Variants in MTMR7 observed in about 807,000 individuals in gnomAD.
MTMR7 encodes the protein phosphatidylinositol-3-phosphate phosphatase MTMR7.
A neutral mutation model predicts 81.2 loss-of-function variants in MTMR7; 76 were observed. The observed-to-expected ratio is 0.94, with a 90% CI of 0.78 to 1.13. MTMR7 has a LOEUF of 1.13. MTMR7 is among the 50% of genes most tolerant of loss of function. The pLI is 0.00. For missense variants in MTMR7, 1,044 were observed against 820.0 expected (o/e 1.27, Z -3.34); for synonymous variants, 372 against 289.8 (o/e 1.28, Z -2.88).
intron 1 of MTMR7, among the ~76,000 whole-genome samples, chr8:17,392,834 T>G (rs1821146611): frequency 6.6e-6 from 1 of 152,256 alleles, no homozygotes; most frequent in South Asian, 2.1e-4. Context: ...TAGAAAATTC[T>G]TTTTATTCTC....
At chr8:17,404,308 C>T (rs116684167) in intron 1 of MTMR7, among the ~76,000 whole-genome samples, 1 of 152,084 alleles carries the variant, frequency 6.6e-6, no homozygotes, top group Non-Finnish European at 1.5e-5. Flanking sequence ...GGCTCCAGCA[C>T]TGGAACGGTG....
chr8:17,351,578 G>T (rs1290235941), intron 4 of MTMR7, among the ~76,000 whole-genome samples: 1 of 152,216 alleles, frequency 6.6e-6, no homozygotes, highest in Non-Finnish European at 1.5e-5. Flanking sequence ...AGGACAAAGA[G>T]CTCAACAACC....
In MTMR7 at chr8:17,339,700, A is replaced by G. The variant is rs73666117; in HGVS notation, c.732+1663T>C. On this transcript the variant is annotated intron_variant, in intron 6 of 13. Coordinates refer to ENST00000180173, the MANE Select transcript of MTMR7 (RefSeq NM_004686.5). ...CATTTTAGGCTATTACTAATAATGA[A>G]CAAATATTCACATACAAGTTTTTAT... 0.025 allele frequency among the ~76,000 whole-genome samples: 3,834 copies of G among 152,336 alleles called. 406 individuals are homozygous for G. The East Asian group carries it at 0.31, about 12-fold the overall frequency.
chr8:17,381,277 C>T (rs1044876698), intron 1 of MTMR7, among the ~76,000 whole-genome samples: 1 of 152,146 alleles, frequency 6.6e-6, no homozygotes, highest in African/African-American at 2.4e-5. Context: ...CTGGGCCCCA[C>T]CACCGCACTT....
At chr8:17,372,485 G>C (rs1294193160) in intron 2 of MTMR7, among the ~76,000 whole-genome samples, 1 of 152,132 alleles carries the variant, frequency 6.6e-6, no homozygotes, top group African/African-American at 2.4e-5. Flanking sequence ...CTACTCAGGA[G>C]GCTGAGGCAG....
chr8:17,310,164 A>AT (rs754353053), intron 9 of MTMR7, among the ~76,000 whole-genome samples: 170 of 151,050 alleles, frequency 1.1e-3, no homozygotes, highest in Middle Eastern at 3.4e-3. Flanking sequence ...CACCTGGCTA[A>AT]TTTTTTTTTA....
At chr8:17,357,791 T>C (rs1036078311) in intron 4 of MTMR7, among the ~76,000 whole-genome samples, 7 of 152,220 alleles carry the variant, frequency 4.6e-5, no homozygotes, top group African/African-American at 1.2e-4. Flanking sequence ...GGAAATTAAC[T>C]AGCACTGGTG....
chr8:17,304,318 T>C, intron 12 of MTMR7, 61 bp downstream of exon 12: 1 of 1,573,478 alleles, frequency 6.4e-7, no homozygotes, highest in Non-Finnish European at 8.7e-7. Flanking sequence ...CCTCTGAATG[T>C]TAAACGGTAC....
chr8:17,302,222 T>C lies in MTMR7; in HGVS notation c.1552A>G (p.Thr518Ala). 1 of 1,614,120 alleles carries C rather than the reference T, an allele frequency of 6.2e-7. No homozygotes were observed. Among genetic ancestry groups the C allele is most frequent in the East Asian group, 2.2e-5 (1 of 44,880 alleles). ...EKGMQPRQSV[T>A]DYLMAVKEET... is the part of the protein sequence containing the mutation. ...TCCTTCACTGCCATTAGGTAATCTGTAACTGACTGTCGGGGCTGCATCCCC... is the reference window on the plus strand; with the variant it reads ...TCCTTCACTGCCATTAGGTAATCTGCAACTGACTGTCGGGGCTGCATCCCC... The change falls in exon 13 of 14, where the codon ACA becomes GCA. Residue 518 changes from threonine to alanine, a missense_variant. Physicochemically the swap from Thr to Ala is moderately conservative, Grantham distance 58 (BLOSUM62 0). Transcript: ENST00000180173.
chr8:17,371,960 T>C (rs1033594161), intron 2 of MTMR7, among the ~76,000 whole-genome samples: 5 of 151,822 alleles, frequency 3.3e-5, no homozygotes, highest in Non-Finnish European at 5.9e-5. Flanking sequence ...GTGCAATAGA[T>C]TTCCAGACTT....
chr8:17,395,394 C>CTGTTTG lies in MTMR7; in HGVS notation c.24+17869_24+17874dup, dbSNP rs1180480080. On this transcript the variant is annotated intron_variant, in intron 1 of 13. Coordinates refer to ENST00000180173, the MANE Select transcript of MTMR7 (RefSeq NM_004686.5). ...GCTATGAACATGGGCATACCAGTATCTGTTTGTGTCCCTGTTTTTAATTCT... is the reference window on the plus strand; with the variant it reads ...GCTATGAACATGGGCATACCAGTATCTGTTTGTGTTTGTGTCCCTGTTTTTAATTCT... Among the ~76,000 whole-genome samples the CTGTTTG allele has an allele frequency of 7.2e-5, 11 of 152,154 alleles. No homozygotes were observed. The East Asian group carries it at 2.1e-3, about 29-fold the overall frequency.
intron 1 of MTMR7, among the ~76,000 whole-genome samples, chr8:17,406,263 T>G (rs1448445977): frequency 6.6e-6 from 1 of 152,168 alleles, no homozygotes; most frequent in Non-Finnish European, 1.5e-5. Flanking sequence ...GACTAAGGAT[T>G]TGTATCCAGA....
At chr8:17,304,049 TG>T (rs1272493705) in intron 12 of MTMR7, among the ~76,000 whole-genome samples, 2 of 152,222 alleles carry the variant, frequency 1.3e-5, no homozygotes, top group African/African-American at 4.8e-5. Context: ...TGATCACTGT[TG>T]AAACTTGTGA....
At chr8:17,367,398 C>A (rs1820260848) in intron 3 of MTMR7, among the ~76,000 whole-genome samples, 2 of 152,136 alleles carry the variant, frequency 1.3e-5, no homozygotes, top group South Asian at 4.1e-4. Context: ...AAGCTGAAGG[C>A]CTCTGAGAAA....
intron 7 of MTMR7, among the ~76,000 whole-genome samples, chr8:17,328,843 C>T (rs1224042740): frequency 6.6e-6 from 1 of 152,160 alleles, no homozygotes; most frequent in Non-Finnish European, 1.5e-5. Context: ...TGCTATGTGA[C>T]TGAAAGGCAT....
At chr8:17,350,489 T>C (rs1469105424) in intron 4 of MTMR7, among the ~76,000 whole-genome samples, 13 of 152,096 alleles carry the variant, frequency 8.5e-5, no homozygotes, top group Non-Finnish European at 1.9e-4. Flanking sequence ...GAGAACACCA[T>C]GGGAAAGACC....
chr8:17,361,219 T>A lies in MTMR7; in HGVS notation c.366A>T (p.Glu122Asp). The change falls in exon 4 of 14, where the codon GAA (glutamate) becomes GAT (aspartate). Residue 122 changes from glutamate to aspartate, a missense_variant. By Grantham distance (45) the Glu-to-Asp change is conservative (BLOSUM62 2). Transcript: ENST00000180173. ...CGATCAGCACCCAGCCTTGCTCTCT[T>A]TCTTCTTTATCCAGCATGGGGTTGA... Reference protein sequence around the residue: ...FSFNPMLDKEEREQGWVLIDL... With the variant: ...FSFNPMLDKEDREQGWVLIDL... 6.2e-7 allele frequency: 1 copy of A among 1,614,180 alleles called. No homozygotes were observed. Among genetic ancestry groups the A allele is most frequent in the African/African-American group, 1.3e-5 (1 of 75,058 alleles).
intron 1 of MTMR7, among the ~76,000 whole-genome samples, chr8:17,408,890 ATGG>A (rs1302030153): frequency 3.3e-5 from 5 of 152,204 alleles, no homozygotes; most frequent in Non-Finnish European, 7.3e-5. Flanking sequence ...CTAGAACCAG[ATGG>A]TGGTGATGTC....
In MTMR7 at chr8:17,381,960, G is replaced by C. The variant is rs560369901; in HGVS notation, c.25-8720C>G. Among the ~76,000 whole-genome samples, 8 of 152,266 alleles carry C rather than the reference G, an allele frequency of 5.3e-5. No individual in the cohort carries two copies. The East Asian group carries it at 1.5e-3, about 29-fold the overall frequency. ...TCCCTGCATTTTGACTTCTATAAGG[G>C]ATCTAAAGGGTCTTTAATGTCTCTC... On this transcript the variant is annotated intron_variant, in intron 1 of 13. Coordinates refer to ENST00000180173, the MANE Select transcript of MTMR7 (RefSeq NM_004686.5).
Sources: gnomAD v4.1 joint callset for allele counts (sites outside exome capture counted in the v4.1 genomes callset) on GRCh38, gnomAD v4.1.1 for gene constraint, MANE v1.5 for transcripts, NCBI Gene and HGNC (gene_info 2026-07-23, HGNC 2026-07-21) for gene names.